PPP2R2B: variants seen among roughly 807,000 people sequenced by gnomAD.
PPP2R2B encodes the protein serine/threonine-protein phosphatase 2A 55 kDa regulatory subunit B beta isoform.
PPP2R2B carries 5 observed loss-of-function variants against 46.0 expected under a neutral mutation model. That is an observed-to-expected ratio of 0.11 (90% CI 0.06 to 0.23). The LOEUF (loss-of-function observed/expected upper bound fraction) is 0.23, where lower values mean the gene tolerates loss of function less well. Ranked by LOEUF, PPP2R2B falls within the 10% of genes least tolerant of loss-of-function variation. The pLI is 1.00. For missense variants in PPP2R2B, 367 were observed against 575.0 expected (o/e 0.64, Z 3.70); for synonymous variants, 215 against 206.7 (o/e 1.04, Z -0.34).
intron 4 of PPP2R2B, among the ~76,000 whole-genome samples, chr5:146,696,292 G>C (rs1779178656): frequency 6.6e-6 from 1 of 152,058 alleles, no homozygotes; most frequent in Admixed American, 6.5e-5. Context: ...TTTTAGTAGG[G>C]ACGGGGTTTC....
At chr5:147,027,805 T>C (rs776781304) in intron 1 of PPP2R2B, among the ~76,000 whole-genome samples, 1 of 152,192 alleles carries the variant, frequency 6.6e-6, no homozygotes. Flanking sequence ...AATGGGTGCA[T>C]TTTATTGCAT....
chr5:146,745,352 C>G (rs1753125429), intron 2 of PPP2R2B, among the ~76,000 whole-genome samples: 2 of 152,098 alleles, frequency 1.3e-5, no homozygotes, highest in Non-Finnish European at 2.9e-5. Context: ...ATCAATATTC[C>G]AAGATTTTGA....
chr5:146,998,479 G>A (rs998079244), intron 1 of PPP2R2B, among the ~76,000 whole-genome samples: 1 of 152,160 alleles, frequency 6.6e-6, no homozygotes, highest in Non-Finnish European at 1.5e-5. Flanking sequence ...AACTAAATAA[G>A]GGGGCTTTAT....
intron 1 of PPP2R2B, among the ~76,000 whole-genome samples, chr5:146,891,849 C>CA (rs1056813050): frequency 6.6e-6 from 1 of 151,182 alleles, no homozygotes; most frequent in Non-Finnish European, 1.5e-5. Context: ...GGGCCCAAAT[C>CA]AAAAAAAGGG....
rs1769981920 is a variant in PPP2R2B, at chr5:146,583,129, A to G, written c.*6818T>C. 6.6e-6 allele frequency: 1 copy of G among 152,154 alleles called. No individual in the cohort carries two copies. Among genetic ancestry groups the G allele is most frequent in the Admixed American group, 6.5e-5 (1 of 15,268 alleles). 9.4% of individuals were successfully genotyped at this position (152,154 alleles called of 1,614,324 possible). ...ACTGTCCTATCCTGATGTCTGGAAT[A>G]TGCTTTTCCTTTCTCTTCTCCTGGA... On this transcript the variant is annotated 3_prime_UTR_variant, in exon 10 of 10. Transcript: ENST00000394411.
chr5:147,004,051 C>T (rs541563808), intron 1 of PPP2R2B, among the ~76,000 whole-genome samples: 112 of 152,030 alleles, frequency 7.4e-4, no homozygotes, highest in Non-Finnish European at 1.4e-3. Context: ...GGAATAGGCC[C>T]AAAAGGAAAA....
intron 1 of PPP2R2B, among the ~76,000 whole-genome samples, chr5:147,029,328 G>A (rs972056473): frequency 4.6e-5 from 7 of 152,054 alleles, no homozygotes; most frequent in Admixed American, 6.6e-5. Context: ...TGTGCCTGTG[G>A]TAGGGACCAA....
intron 2 of PPP2R2B, among the ~76,000 whole-genome samples, chr5:146,818,907 G>A (rs1758091805): frequency 6.6e-6 from 1 of 152,148 alleles, no homozygotes; most frequent in African/African-American, 2.4e-5. Context: ...TTGGCACAAG[G>A]CCTGCAAAAG....
At position 146,657,724 on chromosome 5, in the gene PPP2R2B, C is replaced by T. The variant is rs150284358; in HGVS notation, c.448-7000G>A. ...ATACTTTTAATCAAGGCCCCATAGA[C>T]GACCCCATCCCCAGCTCATTATGAT... is the stretch of plus-strand genomic sequence containing the variant. On this transcript the variant is annotated intron_variant, in intron 5 of 9. Coordinates refer to ENST00000394411, the MANE Select transcript of PPP2R2B (RefSeq NM_181675.4). Among the ~76,000 whole-genome samples the T allele has an allele frequency of 2.3e-3, 357 of 152,232 alleles. 5 individuals carry two copies. Among genetic ancestry groups the T allele is most frequent in the South Asian group, 0.017 (82 of 4,822 alleles).
At chr5:147,057,551 G>A (rs1169429103), upstream of PPP2R2B, among the ~76,000 whole-genome samples, 2 of 152,136 alleles carry the variant, frequency 1.3e-5, no homozygotes, top group African/African-American at 4.8e-5. Flanking sequence ...TTTTAACACT[G>A]CAAACCTCAG....
intron 2 of PPP2R2B, among the ~76,000 whole-genome samples, chr5:146,873,497 C>T (rs1561977500): frequency 1.3e-5 from 2 of 152,140 alleles, no homozygotes; most frequent in Non-Finnish European, 2.9e-5. Context: ...ATGATCTGGT[C>T]CCTGAATACT....
intron 2 of PPP2R2B, chr5:146,751,110 T>C (rs369457775): frequency 8.5e-5 from 13 of 152,296 alleles, no homozygotes; most frequent in African/African-American, 3.1e-4. Context: ...TGTAAGCACA[T>C]TAGGAAAGAG....
chr5:146,966,137 G>A (rs559545851), intron 1 of PPP2R2B, among the ~76,000 whole-genome samples: 1 of 152,330 alleles, frequency 6.6e-6, no homozygotes, highest in East Asian at 1.9e-4. Context: ...AAGGAAAACC[G>A]TAGTTGGTGT....
chr5:146,716,969 C>T (rs1780532744), intron 2 of PPP2R2B, among the ~76,000 whole-genome samples: 1 of 152,062 alleles, frequency 6.6e-6, no homozygotes, highest in African/African-American at 2.4e-5. Context: ...TTTTTCAGTA[C>T]CTAGGATCTT....
intron 2 of PPP2R2B, among the ~76,000 whole-genome samples, chr5:146,705,263 G>C (rs568142654): frequency 6.6e-6 from 1 of 152,136 alleles, no homozygotes; most frequent in Non-Finnish European, 1.5e-5. Flanking sequence ...TCAATACCTG[G>C]CTTTATTTCT....
intron 1 of PPP2R2B, among the ~76,000 whole-genome samples, chr5:146,891,539 G>A (rs1271625847): frequency 3.3e-5 from 5 of 152,138 alleles, no homozygotes; most frequent in South Asian, 4.1e-4. Context: ...TTATAAAGGA[G>A]TATGAAACTC....
At position 146,918,417 on chromosome 5, in the gene PPP2R2B, C is replaced by A. The variant is rs187984770; in HGVS notation, c.79+137248G>T. ...AGAATGATGAAGTTGATGATAATGG[C>A]AGCTTGCATTTATTGAGAGGTAAAT... On this transcript the variant is annotated intron_variant, in intron 1 of 8. Coordinates refer to the PPP2R2B transcript ENST00000336640. 4.6e-5 allele frequency: 7 copies of A among 152,268 alleles called. No individual in the cohort carries two copies. The East Asian group carries it at 1.2e-3, about 25-fold the overall frequency. The allele number at this position is 152,268 out of a possible 1,614,324, so 9.4% of individuals were successfully genotyped here. A position where few individuals can be genotyped will look rare whatever the true frequency, so the allele number is the denominator to read the frequency against.
At chr5:146,857,980 G>C (rs895625280) in intron 2 of PPP2R2B, among the ~76,000 whole-genome samples, 1 of 152,208 alleles carries the variant, frequency 6.6e-6, no homozygotes, top group Non-Finnish European at 1.5e-5. Context: ...AAGCCACCAT[G>C]CCCAGCCAAC....
At position 146,702,056 on chromosome 5, in the gene PPP2R2B, TAA is replaced by T. The variant is rs3062308; in HGVS notation, c.71-916_71-915del. On this transcript the variant is annotated intron_variant, in intron 2 of 9. Coordinates refer to ENST00000394411, the MANE Select transcript of PPP2R2B (RefSeq NM_181675.4). ...ATTGCTACCAAGAGTGCAAATGAGT[TAA>T]AAAAAAAAAAAAAAAAAGAGGCAGG... 7.6e-3 allele frequency among the ~76,000 whole-genome samples: 983 copies of T among 129,856 alleles called. 5 individuals carry two copies. Among genetic ancestry groups the T allele is most frequent in the African/African-American group, 0.023 (815 of 35,392 alleles). 85.2% of individuals were successfully genotyped at this position (129,856 alleles called of 152,430 possible). A position where few individuals can be genotyped will look rare whatever the true frequency, so the allele number is the denominator to read the frequency against.
Sources: gnomAD v4.1 joint callset for allele counts (sites outside exome capture counted in the v4.1 genomes callset) on GRCh38, gnomAD v4.1.1 for gene constraint, MANE v1.5 for transcripts, NCBI Gene and HGNC (gene_info 2026-07-23, HGNC 2026-07-21) for gene names.